The following NDUFA9 variants were observed in gnomAD, a reference collection of about 807,000 sequenced individuals.
NDUFA9 encodes the protein NADH:ubiquinone oxidoreductase subunit A9, also known as NADH dehydrogenase [ubiquinone] 1 alpha subcomplex subunit 9, mitochondrial.
In NDUFA9, 23 loss-of-function variants were observed where a neutral mutation model predicts 45.9. The ratio of observed to expected loss-of-function variants is 0.50; its 90% CI spans 0.36 to 0.71. The LOEUF (loss-of-function observed/expected upper bound fraction) is 0.71, where lower values mean the gene tolerates loss of function less well. Among genes scored for constraint, NDUFA9 ranks in the 30% least tolerant of loss-of-function variants. The probability of loss-of-function intolerance (pLI) is 0.00; values close to 1 mark genes in which losing one functional copy is unlikely to be tolerated. For missense variants in NDUFA9, 466 were observed against 488.2 expected (o/e 0.95, Z 0.43); for synonymous variants, 176 against 170.5 (o/e 1.03, Z -0.25).
chr12:4,655,627 CAT>C (rs1945785242), intron 3 of NDUFA9: 2 of 152,040 alleles, frequency 1.3e-5, no homozygotes, highest in Non-Finnish European at 2.9e-5. Context: ...GCTCTATAAA[CAT>C]AAAAAAATCA....
rs1946004554 is a variant in NDUFA9, at chr12:4,689,104, A to G, written c.*1996A>G. On this transcript the variant is annotated 3_prime_UTR_variant, in exon 11 of 11. Transcript: ENST00000266544. The stretch of plus-strand genomic sequence containing the variant: ...TTAAACATTTACCTTTATGCTAGTA[A>G]CATTCAAATTACTCTCTTCTAGCTA... 1 of 152,214 alleles carries G rather than the reference A, an allele frequency of 6.6e-6. No homozygotes were observed. 9.4% of individuals were successfully genotyped at this position (152,214 alleles called of 1,614,324 possible). A position where few individuals can be genotyped will look rare whatever the true frequency, so the allele number is the denominator to read the frequency against.
intron 8 of NDUFA9, among the ~76,000 whole-genome samples, chr12:4,674,943 G>A (rs184977328): frequency 4.9e-4 from 75 of 152,182 alleles, no homozygotes; most frequent in East Asian, 3.1e-3. Flanking sequence ...CAGCAAATGC[G>A]AAAGAACAGA....
intron 6 of NDUFA9, among the ~76,000 whole-genome samples, chr12:4,667,078 A>T (rs1945857299): frequency 6.6e-6 from 1 of 152,196 alleles, no homozygotes; most frequent in South Asian, 2.1e-4. Context: ...CTCAAGATCC[A>T]GGTGCTGTCA....
At chr12:4,657,946 T>A in intron 4 of NDUFA9, 107 bp downstream of exon 4, 1 of 881,084 alleles carries the variant, frequency 1.1e-6, no homozygotes, top group Non-Finnish European at 1.9e-6. Flanking sequence ...CATTTTCAAT[T>A]AGTGAATAAG....
chr12:4,684,975 TTTG>T lies in NDUFA9; in HGVS notation c.897-278_897-276del. On this transcript the variant is annotated intron_variant, in intron 9 of 10. Coordinates refer to ENST00000266544, the MANE Select transcript of NDUFA9 (RefSeq NM_005002.5). ...TAAATACTGGAGTTTTTCTGTTTGC[TTTG>T]TTGTTTGTTGGTTTTATTTCATTTT... 3 of 597,364 alleles carry T rather than the reference TTTG, an allele frequency of 5.0e-6. No homozygotes were observed. The East Asian group carries it at 8.3e-5, about 16-fold the overall frequency. 37.0% of individuals were successfully genotyped at this position (597,364 alleles called of 1,614,324 possible). A position where few individuals can be genotyped will look rare whatever the true frequency, so the allele number is the denominator to read the frequency against.
chr12:4,669,687 C>T (rs1945874835), intron 7 of NDUFA9, 54 bp from the exon 8 acceptor site: 1 of 1,144,406 alleles, frequency 8.7e-7, no homozygotes, highest in Non-Finnish European at 1.3e-6. Flanking sequence ...TCTCCATCTC[C>T]CATTCTGTCT....
At chr12:4,684,577 C>T (rs546294738) in intron 9 of NDUFA9, among the ~76,000 whole-genome samples, 1 of 152,232 alleles carries the variant, frequency 6.6e-6, no homozygotes, top group Admixed American at 6.5e-5. Context: ...TGAGTCCGGC[C>T]TGGACAACAT....
At position 4,654,341 on chromosome 12, in the gene NDUFA9, T is replaced by C; in HGVS notation, c.99T>C (p.Cys33=). 7.4e-6 allele frequency: 12 copies of C among 1,614,182 alleles called. No homozygotes were observed. Among genetic ancestry groups the C allele is most frequent in the Non-Finnish European group, 9.3e-6 (11 of 1,180,000 alleles). Residue 33 remains cysteine, a synonymous_variant, in exon 2 of 11, where the codon TGT becomes TGC. Transcript: ENST00000266544. ...IATSVCHGPP[C]RQLHHALMPH... ...CATCTGTGTGTCACGGCCCACCCTG[T>C]CGCCAGCTTCATCATGCCCTCATGC...
At chr12:4,670,084 T>C (rs544765610) in intron 8 of NDUFA9, among the ~76,000 whole-genome samples, 2 of 152,284 alleles carry the variant, frequency 1.3e-5, no homozygotes, top group South Asian at 4.1e-4. Context: ...CCAGTGATGT[T>C]TTTAATATAT....
rs1946017760 is a variant in NDUFA9 at position 4,691,388 on chromosome 12, CAG to C, written c.*4281_*4282del. 6.6e-6 allele frequency: 1 copy of C among 152,204 alleles called. No homozygotes were observed. Among genetic ancestry groups the C allele is most frequent in the Non-Finnish European group, 1.5e-5 (1 of 68,040 alleles). The allele number at this position is 152,204 out of a possible 1,614,324, so 9.4% of individuals were successfully genotyped here. On this transcript the variant is annotated 3_prime_UTR_variant, in exon 11 of 11. Coordinates refer to ENST00000266544, the MANE Select transcript of NDUFA9 (RefSeq NM_005002.5). The stretch of plus-strand genomic sequence containing the variant: ...ATTCCTATTTCCCAAATGCTGGAAA[CAG>C]GGACTTATAGAAGGTAAATTGCCCC...
intron 10 of NDUFA9, among the ~76,000 whole-genome samples, chr12:4,685,621 G>A (rs1384910616): frequency 6.6e-6 from 1 of 152,112 alleles, no homozygotes; most frequent in Non-Finnish European, 1.5e-5. Flanking sequence ...CACTCTTCCA[G>A]CTACTTTCCT....
intron 8 of NDUFA9, among the ~76,000 whole-genome samples, chr12:4,671,191 GA>G (rs1945885088): frequency 6.6e-6 from 1 of 152,046 alleles, no homozygotes; most frequent in Non-Finnish European, 1.5e-5. Context: ...TTGTAATTAT[GA>G]ATTATATTAT....
chr12:4,659,013 T>C, intron 4 of NDUFA9, 23 bp from the exon 5 acceptor site: 1 of 1,606,224 alleles, frequency 6.2e-7, no homozygotes, highest in Non-Finnish European at 8.5e-7. Flanking sequence ...TCTTAACCAA[T>C]CCTTTTATTT....
intron 9 of NDUFA9, among the ~76,000 whole-genome samples, chr12:4,684,609 C>A (rs1336525688): frequency 6.6e-6 from 1 of 152,004 alleles, no homozygotes. Context: ...GTCTGTGGAA[C>A]AAAAACAAGG....
intron 3 of NDUFA9, 59 bp from the exon 4 acceptor site, chr12:4,657,689 A>T: frequency 1.6e-6 from 2 of 1,225,906 alleles, no homozygotes; most frequent in Non-Finnish European, 2.4e-6. Context: ...AGGCTGCAGA[A>T]GTGTTGAGTG....
intron 6 of NDUFA9, 59 bp from the exon 7 acceptor site, chr12:4,668,398 G>T: frequency 1.5e-6 from 2 of 1,313,990 alleles, no homozygotes; most frequent in Non-Finnish European, 2.2e-6. Flanking sequence ...TCTTAAGACT[G>T]TTGGATCTTA....
intron 8 of NDUFA9, among the ~76,000 whole-genome samples, chr12:4,677,034 AAAAC>A (rs1945923885): frequency 6.6e-6 from 1 of 152,234 alleles, no homozygotes; most frequent in Non-Finnish European, 1.5e-5. Context: ...AAATCTGACA[AAAAC>A]AAGCAATGAG....
chr12:4,681,241 C>T (rs1945950521), intron 8 of NDUFA9, among the ~76,000 whole-genome samples: 1 of 151,950 alleles, frequency 6.6e-6, no homozygotes, highest in African/African-American at 2.4e-5. Context: ...TAAAGAAAAT[C>T]AGTAGTTTTG....
In NDUFA9 at chr12:4,693,994, GGA is replaced by G. The variant is rs1489685265; in HGVS notation, c.*6889_*6890del. 1.3e-5 allele frequency: 2 copies of G among 152,138 alleles called. No homozygotes were observed. Among genetic ancestry groups the G allele is most frequent in the African/African-American group, 4.8e-5 (2 of 41,420 alleles). The allele number at this position is 152,138 out of a possible 1,614,324, so 9.4% of individuals were successfully genotyped here. ...AGGACTTGGAAATGGAAGTGTAGGG[GGA>G]GATCCCATTGTACTTCAGTGGAAAA... On this transcript the variant is annotated 3_prime_UTR_variant, in exon 11 of 11. Transcript: ENST00000266544.
Sources: gnomAD v4.1 joint callset for allele counts (sites outside exome capture counted in the v4.1 genomes callset) on GRCh38, gnomAD v4.1.1 for gene constraint, MANE v1.5 for transcripts, NCBI Gene and HGNC (gene_info 2026-07-23, HGNC 2026-07-21) for gene names.